The following MAD1L1 variants were observed in gnomAD, a reference collection of about 807,000 sequenced individuals.
MAD1L1 encodes the protein mitotic arrest deficient 1 like 1.
MAD1L1 carries 95 observed loss-of-function variants against 96.9 expected under a neutral mutation model. That is an observed-to-expected ratio of 0.98 (90% CI 0.83 to 1.16). The LOEUF (loss-of-function observed/expected upper bound fraction) is 1.16, where lower values mean the gene tolerates loss of function less well. MAD1L1 is among the 50% of genes most tolerant of loss of function. The pLI is 0.00. For synonymous variants in MAD1L1, 473 were observed against 396.6 expected (o/e 1.19, Z -2.29); for missense variants, 1,007 against 954.4 (o/e 1.06, Z -0.73).
intron 18 of MAD1L1, among the ~76,000 whole-genome samples, chr7:1,892,880 G>C (rs553834466): frequency 6.6e-6 from 1 of 152,166 alleles, no homozygotes; most frequent in African/African-American, 2.4e-5. Context: ...TTTGCTCTGT[G>C]TCCCCGGCCT....
intron 12 of MAD1L1, among the ~76,000 whole-genome samples, chr7:2,062,914 T>C (rs1207738057): frequency 6.6e-6 from 1 of 151,998 alleles, no homozygotes; most frequent in African/African-American, 2.4e-5. Flanking sequence ...GGGACGAAGG[T>C]CAAAAGGATA....
chr7:1,901,394 T>C (rs1369027060), intron 17 of MAD1L1, among the ~76,000 whole-genome samples: 1 of 152,232 alleles, frequency 6.6e-6, no homozygotes, highest in African/African-American at 2.4e-5. Context: ...GCCTGGATCC[T>C]GGGCAGGCTC....
chr7:1,887,390 CATGT>C (rs1343154106), intron 18 of MAD1L1, among the ~76,000 whole-genome samples: 5 of 144,340 alleles, frequency 3.5e-5, no homozygotes, highest in African/African-American at 7.9e-5. Context: ...CGTGTACATG[CATGT>C]ATGTGGCTGC....
chr7:2,077,032 CAG>C (rs1393084382), intron 11 of MAD1L1, among the ~76,000 whole-genome samples: 1 of 140,444 alleles, frequency 7.1e-6, no homozygotes, highest in Non-Finnish European at 1.5e-5. Context: ...GAGCCCGAGA[CAG>C]AGTTACGACT....
At chr7:1,939,719 G>C (rs1778850761) in intron 16 of MAD1L1, among the ~76,000 whole-genome samples, 1 of 152,260 alleles carries the variant, frequency 6.6e-6, no homozygotes, top group African/African-American at 2.4e-5. Context: ...GCTCTCAGGA[G>C]AGGCCGGTGT....
At chr7:1,854,703 C>T (rs1348412257) in intron 18 of MAD1L1, among the ~76,000 whole-genome samples, 1 of 152,190 alleles carries the variant, frequency 6.6e-6, no homozygotes, top group Non-Finnish European at 1.5e-5. Context: ...TGCCCCTGTC[C>T]CCACAGAACC....
intron 18 of MAD1L1, among the ~76,000 whole-genome samples, chr7:1,828,480 C>G (rs7781241): frequency 0.41 from 62,877 of 151,852 alleles, 13,225 homozygotes; most frequent in African/African-American, 0.45. Context: ...CTGGGCTGGA[C>G]CAGTGCCTGT....
In MAD1L1 at chr7:2,088,959, C is replaced by A. The variant is rs1165186406; in HGVS notation, c.1074-19621G>T. ...CCGAGCCACGCATGCAGGCGCCTCA[C>A]CCGGTGGCTGCCATGAGCCAGGACA... On this transcript the variant is annotated intron_variant, in intron 11 of 18. Coordinates refer to ENST00000265854, the MANE Select transcript of MAD1L1 (RefSeq NM_001013836.2). The surrounding 1 kb of genome is among the most constrained non-coding windows in gnomAD (Gnocchi z 4.4). 1 of 152,318 alleles carries A rather than the reference C, an allele frequency of 6.6e-6. No individual in the cohort carries two copies. The highest frequency in any genetic ancestry group is 1.5e-5 in the Non-Finnish European group (1 of 68,086). The allele number at this position is 152,318 out of a possible 1,614,324, so 9.4% of individuals were successfully genotyped here.
chr7:1,932,181 A>AACTCTGGCCC (rs1789517265), intron 17 of MAD1L1, among the ~76,000 whole-genome samples: 1 of 152,028 alleles, frequency 6.6e-6, no homozygotes, highest in Middle Eastern at 3.2e-3. Context: ...ATATCCCAGA[A>AACTCTGGCCC]ACTCTGGCCC....
intron 18 of MAD1L1, among the ~76,000 whole-genome samples, chr7:1,874,964 G>A (rs1186207510): frequency 6.6e-6 from 1 of 152,176 alleles, no homozygotes; most frequent in Non-Finnish European, 1.5e-5. Context: ...CCCCGGCTGG[G>A]CCTGGGAGCT....
chr7:2,122,785 A>G (rs1328527065), intron 11 of MAD1L1, among the ~76,000 whole-genome samples: 2 of 152,162 alleles, frequency 1.3e-5, no homozygotes, highest in East Asian at 3.9e-4. Context: ...AGGGTTGCTA[A>G]AGCTCACCCC....
intron 18 of MAD1L1, among the ~76,000 whole-genome samples, chr7:1,831,977 A>AT (rs1423721859): frequency 2.6e-5 from 4 of 152,242 alleles, no homozygotes; most frequent in African/African-American, 9.6e-5. Context: ...CACAGCATCC[A>AT]TCCTGTGGCC....
In MAD1L1 at chr7:2,088,354, C is replaced by T. The variant is rs147242710; in HGVS notation, c.1074-19016G>A. Among the ~76,000 whole-genome samples the T allele has an allele frequency of 7.3e-4, 111 of 152,290 alleles. No individual in the cohort carries two copies. Among genetic ancestry groups the T allele is most frequent in the African/African-American group, 2.5e-3 (103 of 41,544 alleles). ...GTCTCGTGCTACCCTGGTTCCGTGT[C>T]GGCGCCAGCCCTCCAACCTTCTGGC... On this transcript the variant is annotated intron_variant, in intron 11 of 18. Coordinates refer to ENST00000265854, the MANE Select transcript of MAD1L1 (RefSeq NM_001013836.2). This position sits in a 1 kb window ranked among gnomAD's most constrained non-coding sequence, Gnocchi z 4.4.
intron 18 of MAD1L1, among the ~76,000 whole-genome samples, chr7:1,878,443 T>C (rs4721142): frequency 0.25 from 37,355 of 151,876 alleles, 4,866 homozygotes; most frequent in African/African-American, 0.33. Context: ...AATCTATCAA[T>C]TGTATAAAAA....
chr7:2,033,300 C>G (rs7803147), intron 12 of MAD1L1, among the ~76,000 whole-genome samples: 16,875 of 152,212 alleles, frequency 0.11, 1,785 homozygotes, highest in African/African-American at 0.27. Context: ...CCAGATGACC[C>G]GGTCACCCCT....
intron 12 of MAD1L1, among the ~76,000 whole-genome samples, chr7:2,049,219 TGAGA>T (rs974763330): frequency 4.6e-5 from 7 of 152,054 alleles, no homozygotes; most frequent in Non-Finnish European, 1.0e-4. Flanking sequence ...CAGGCACAAG[TGAGA>T]GAGTGACAGA....
chr7:2,206,473 C>G (rs1249594783), intron 10 of MAD1L1, among the ~76,000 whole-genome samples: 4 of 152,188 alleles, frequency 2.6e-5, no homozygotes, highest in Non-Finnish European at 5.9e-5. Flanking sequence ...AATCTTGTGT[C>G]CAGCATGAGA....
intron 12 of MAD1L1, among the ~76,000 whole-genome samples, chr7:2,064,327 G>C (rs1328017219): frequency 1.3e-5 from 2 of 152,178 alleles, no homozygotes; most frequent in African/African-American, 4.8e-5. Context: ...AAGAAGAGAG[G>C]AGGCCCTGGC....
At chr7:2,062,732 C>T (rs897742116) in intron 12 of MAD1L1, among the ~76,000 whole-genome samples, 3 of 152,250 alleles carry the variant, frequency 2.0e-5, no homozygotes, top group South Asian at 2.1e-4. Flanking sequence ...AACTTCAACA[C>T]GGAGACTACT....
Sources: gnomAD v4.1 joint callset for allele counts (sites outside exome capture counted in the v4.1 genomes callset) on GRCh38, gnomAD v4.1.1 for gene constraint, Gnocchi (gnomAD v3.1) non-coding constraint, MANE v1.5 for transcripts, NCBI Gene and HGNC (gene_info 2026-07-23, HGNC 2026-07-21) for gene names.